SUGCT: variants seen among roughly 807,000 people sequenced by gnomAD.
The protein encoded by SUGCT is succinyl-CoA:glutarate-CoA transferase, also known as succinyl-CoA:glutarate CoA-transferase.
A neutral mutation model predicts 55.0 loss-of-function variants in SUGCT; 41 were observed. That is an observed-to-expected ratio of 0.74 (90% CI 0.58 to 0.97). The LOEUF (loss-of-function observed/expected upper bound fraction) is 0.97. Among genes scored for constraint, SUGCT ranks in the 50% least tolerant of loss-of-function variants. The pLI is 0.00. For synonymous variants in SUGCT, 187 were observed against 200.4 expected (o/e 0.93, Z 0.56); for missense variants, 568 against 547.8 (o/e 1.04, Z -0.37).
chr7:40,881,696 G>A, the SUGCT span, among the ~76,000 whole-genome samples: 1 of 152,214 alleles, frequency 6.6e-6, no homozygotes, highest in Non-Finnish European at 1.5e-5. Context: ...AGGCACAGTG[G>A]CATCCTTCAC....
intron 13 of SUGCT, among the ~76,000 whole-genome samples, chr7:40,749,853 T>A (rs982572245): frequency 1.3e-5 from 2 of 152,124 alleles, no homozygotes; most frequent in Non-Finnish European, 2.9e-5. Context: ...CATATGAGAA[T>A]TGGAAAGAAA....
intron 1 of SUGCT, among the ~76,000 whole-genome samples, chr7:40,145,053 A>G (rs575034194): frequency 2.0e-5 from 3 of 152,294 alleles, no homozygotes; most frequent in African/African-American, 7.2e-5. Context: ...CTTTTATTTT[A>G]ATGTCCAGTT....
chr7:40,425,873 G>A (rs1787561167), intron 9 of SUGCT, among the ~76,000 whole-genome samples: 1 of 152,124 alleles, frequency 6.6e-6, no homozygotes, highest in East Asian at 1.9e-4. Context: ...CTTAGTTCCA[G>A]GGAAGCCTTG....
intron 12 of SUGCT, among the ~76,000 whole-genome samples, chr7:40,630,206 A>G (rs1396639489): frequency 1.3e-5 from 2 of 152,076 alleles, no homozygotes; most frequent in Admixed American, 6.5e-5. Flanking sequence ...TTCATCTACT[A>G]TTTCTCCTTC....
the SUGCT span, among the ~76,000 whole-genome samples, chr7:40,889,640 A>G: frequency 1.3e-5 from 2 of 152,154 alleles, no homozygotes. Context: ...CCATGTGGAC[A>G]CATAACAAAT....
chr7:40,594,252 C>T (rs1220382588), intron 12 of SUGCT, among the ~76,000 whole-genome samples: 1 of 150,836 alleles, frequency 6.6e-6, no homozygotes, highest in Non-Finnish European at 1.5e-5. Context: ...GTGCAGCGCA[C>T]CAGCATGGCA....
At chr7:40,535,922 A>T (rs574264443) in intron 12 of SUGCT, among the ~76,000 whole-genome samples, 16 of 152,174 alleles carry the variant, frequency 1.1e-4, no homozygotes, top group Middle Eastern at 3.4e-3. Context: ...ATGATTAGTG[A>T]TGTGGAGAAT....
In SUGCT at chr7:40,685,873, A is replaced by G. The variant is rs566994141; in HGVS notation, c.1090-63561A>G. 4.6e-5 allele frequency among the ~76,000 whole-genome samples: 7 copies of G among 152,266 alleles called. No individual in the cohort carries two copies. The East Asian group carries it at 1.4e-3, about 29-fold the overall frequency. On this transcript the variant is annotated intron_variant, in intron 12 of 13. Coordinates refer to ENST00000335693, the MANE Select transcript of SUGCT (RefSeq NM_001193313.2). The stretch of plus-strand genomic sequence containing the variant: ...GCCAACATAGCAAGACCCCATCTCT[A>G]TTGAAAAAAATTCAAGCAATTTGGA...
At chr7:40,827,247 G>A (rs17688607) in intron 13 of SUGCT, among the ~76,000 whole-genome samples, 7,487 of 152,236 alleles carry the variant, frequency 0.049, 275 homozygotes, top group Non-Finnish European at 0.07. Flanking sequence ...AGTGCAAATG[G>A]CAAAGGATCA....
chr7:40,733,840 G>A (rs756424551), intron 12 of SUGCT, among the ~76,000 whole-genome samples: 37 of 152,166 alleles, frequency 2.4e-4, no homozygotes, highest in Admixed American at 6.5e-4. Context: ...CCACGACATC[G>A]TTTCCTTTGT....
chr7:40,893,425 A>G, the SUGCT span, among the ~76,000 whole-genome samples: 4 of 152,332 alleles, frequency 2.6e-5, no homozygotes, highest in South Asian at 4.1e-4. Flanking sequence ...GGATAAATCA[A>G]AGGATAAGGT....
chr7:40,557,911 A>C (rs1179403507), intron 12 of SUGCT, among the ~76,000 whole-genome samples: 2 of 152,188 alleles, frequency 1.3e-5, no homozygotes, highest in African/African-American at 2.4e-5. Flanking sequence ...ATTGGTCAAC[A>C]ACAAACAAAT....
intron 12 of SUGCT, among the ~76,000 whole-genome samples, chr7:40,580,021 T>C (rs567924976): frequency 2.0e-5 from 3 of 152,318 alleles, no homozygotes; most frequent in African/African-American, 4.8e-5. Context: ...AAATAGACAC[T>C]GTGAGGAAAG....
chr7:40,735,389 CT>C (rs1787102598), intron 12 of SUGCT, among the ~76,000 whole-genome samples: 1 of 152,160 alleles, frequency 6.6e-6, no homozygotes, highest in African/African-American at 2.4e-5. Flanking sequence ...CAAATTAAGA[CT>C]TCAAATGTAG....
intron 9 of SUGCT, among the ~76,000 whole-genome samples, chr7:40,321,131 T>C (rs529467899): frequency 0.049 from 4,453 of 91,480 alleles, 106 homozygotes; most frequent in Admixed American, 0.081. Flanking sequence ...GGCTGGAGTG[T>C]ATGGTGCGAT....
chr7:40,868,950 C>T, the SUGCT span, among the ~76,000 whole-genome samples: 218 of 152,304 alleles, frequency 1.4e-3, 1 homozygote, highest in African/African-American at 5.1e-3. Flanking sequence ...TACATTCACC[C>T]AGTTTCTACT....
intron 9 of SUGCT, among the ~76,000 whole-genome samples, chr7:40,401,122 T>C (rs1416863555): frequency 2.0e-5 from 3 of 152,200 alleles, no homozygotes; most frequent in Non-Finnish European, 4.4e-5. Context: ...TGATTCTTTT[T>C]TTCTTGTGGA....
At chr7:40,241,020 TG>T (rs1789346376) in intron 7 of SUGCT, among the ~76,000 whole-genome samples, 1 of 152,140 alleles carries the variant, frequency 6.6e-6, no homozygotes, top group South Asian at 2.1e-4. Context: ...AATAAGGAAG[TG>T]GGGCCAAATG....
chr7:40,732,103 A>C (rs906071632), intron 12 of SUGCT, among the ~76,000 whole-genome samples: 4 of 152,178 alleles, frequency 2.6e-5, no homozygotes, highest in Non-Finnish European at 4.4e-5. Context: ...ACAGTTCTGG[A>C]GGCCAGAAAT....
Sources: allele counts gnomAD v4.1 joint callset (sites outside exome capture counted in the v4.1 genomes callset), GRCh38; gene constraint gnomAD v4.1.1; transcripts MANE v1.5; gene names NCBI Gene and HGNC (gene_info 2026-07-23, HGNC 2026-07-21).